RIMS2: variants seen among roughly 807,000 people sequenced by gnomAD.
RIMS2 encodes the protein regulating synaptic membrane exocytosis 2.
Under a neutral mutation model 174.4 loss-of-function variants are expected in RIMS2, and 59 were observed. The observed-to-expected ratio is 0.34, with a 90% CI of 0.27 to 0.42. The LOEUF is 0.42. Among genes scored for constraint, RIMS2 ranks in the 10% least tolerant of loss-of-function variants. RIMS2 has a pLI of 1.00. For synonymous variants in RIMS2, 606 were observed against 572.5 expected, an observed-to-expected ratio of 1.06 and a Z score of -0.84; for missense variants, 1,620 against 1,666.3, an observed-to-expected ratio of 0.97 and a Z score of 0.48.
intron 18 of RIMS2, 101 bp from the exon 21 acceptor site, chr8:104,014,405 T>G: frequency 1.7e-6 from 1 of 605,316 alleles, no homozygotes; most frequent in South Asian, 2.8e-5. Flanking sequence ...GCTAAACTTC[T>G]TTTTAAATTG....
intron 1 of RIMS2, among the ~76,000 whole-genome samples, chr8:103,624,321 G>GCTGC (rs2095721223): frequency 6.6e-6 from 1 of 152,182 alleles, no homozygotes; most frequent in Admixed American, 6.5e-5. Flanking sequence ...CCATTTGCTG[G>GCTGC]CTGCCTGCCT....
intron 1 of RIMS2, among the ~76,000 whole-genome samples, chr8:103,545,315 A>T (rs1057117426): frequency 6.6e-6 from 1 of 152,220 alleles, no homozygotes; most frequent in Non-Finnish European, 1.5e-5. Flanking sequence ...ACTTAGAAAG[A>T]AATTAAAAAC....
At chr8:104,201,970 T>C (rs960968006) in intron 19 of RIMS2, among the ~76,000 whole-genome samples, 3 of 152,222 alleles carry the variant, frequency 2.0e-5, no homozygotes, top group African/African-American at 7.2e-5. Flanking sequence ...AGTATGCCTG[T>C]TGGTAATAAT....
At chr8:104,214,601 C>T (rs180783585) in intron 19 of RIMS2, among the ~76,000 whole-genome samples, 74 of 152,238 alleles carry the variant, frequency 4.9e-4, no homozygotes, top group South Asian at 1.2e-3. Context: ...TTGCCCACCA[C>T]CACACCCAGC....
intron 19 of RIMS2, among the ~76,000 whole-genome samples, chr8:104,101,220 G>A (rs13438970): frequency 0.23 from 35,255 of 150,542 alleles, 4,427 homozygotes; most frequent in African/African-American, 0.33. Flanking sequence ...TCCGTCACCC[G>A]GGTTCAAACA....
chr8:103,591,427 T>G (rs1173619489), intron 1 of RIMS2, among the ~76,000 whole-genome samples: 1 of 151,208 alleles, frequency 6.6e-6, no homozygotes, highest in Non-Finnish European at 1.5e-5. Context: ...GAAATTGGAT[T>G]TATCACTTTT....
intron 19 of RIMS2, among the ~76,000 whole-genome samples, chr8:104,176,137 C>T (rs2135700258): frequency 6.6e-6 from 1 of 152,242 alleles, no homozygotes; most frequent in Middle Eastern, 3.4e-3. Context: ...GTAATTCTAA[C>T]TTGCTTATAC....
intron 3 of RIMS2, among the ~76,000 whole-genome samples, chr8:103,845,413 A>G (rs1183054200): frequency 6.6e-6 from 1 of 152,106 alleles, no homozygotes; most frequent in African/African-American, 2.4e-5. Flanking sequence ...TTTTAAAACA[A>G]TTGGAATGCT....
chr8:103,631,488 A>G (rs1269900886), intron 1 of RIMS2, among the ~76,000 whole-genome samples: 1 of 152,206 alleles, frequency 6.6e-6, no homozygotes, highest in Non-Finnish European at 1.5e-5. Flanking sequence ...TCATTGGTCT[A>G]TGTGCTAGTT....
chr8:103,617,267 T>C (rs1356284102), intron 1 of RIMS2, among the ~76,000 whole-genome samples: 1 of 152,116 alleles, frequency 6.6e-6, no homozygotes, highest in Non-Finnish European at 1.5e-5. Flanking sequence ...GGGAAAAGAA[T>C]CCCTATTCAA....
chr8:103,769,601 C>G (rs2098225745), intron 3 of RIMS2, among the ~76,000 whole-genome samples: 1 of 152,188 alleles, frequency 6.6e-6, no homozygotes, highest in Non-Finnish European at 1.5e-5. Flanking sequence ...GTTGGGATTA[C>G]AGGCGTGAGC....
At chr8:103,698,053 T>G (rs1202611899) in intron 2 of RIMS2, among the ~76,000 whole-genome samples, 1 of 152,242 alleles carries the variant, frequency 6.6e-6, no homozygotes, top group African/African-American at 2.4e-5. Context: ...CTTATTTATT[T>G]CAGTAGTTTT....
intron 1 of RIMS2, among the ~76,000 whole-genome samples, chr8:103,562,627 TG>T (rs2091768780): frequency 6.6e-6 from 1 of 152,120 alleles, no homozygotes; most frequent in Non-Finnish European, 1.5e-5. Flanking sequence ...AAGCTGTCAG[TG>T]GGTCTACTAT....
intron 15 of RIMS2, among the ~76,000 whole-genome samples, chr8:103,967,936 C>T (rs2092326202): frequency 6.7e-6 from 1 of 149,238 alleles, no homozygotes; most frequent in African/African-American, 2.5e-5. Context: ...TCTCAGCTCA[C>T]TGCAGACTCC....
chr8:104,190,739 C>G (rs2098993372), intron 19 of RIMS2, among the ~76,000 whole-genome samples: 1 of 152,062 alleles, frequency 6.6e-6, no homozygotes, highest in African/African-American at 2.4e-5. Context: ...AGCCTATGAG[C>G]ATATTGACCT....
intron 1 of RIMS2, among the ~76,000 whole-genome samples, 161 bp downstream of exon 1, chr8:103,501,223 G>C (rs1819616683): frequency 6.6e-6 from 1 of 152,036 alleles, no homozygotes; most frequent in African/African-American, 2.4e-5. Flanking sequence ...GGCTGTTTTA[G>C]GGGTGTCTGA....
At chr8:103,641,779 T>C (rs1339362524) in intron 1 of RIMS2, among the ~76,000 whole-genome samples, 1 of 152,106 alleles carries the variant, frequency 6.6e-6, no homozygotes, top group Admixed American at 6.6e-5. Context: ...GTGTCCTCTC[T>C]TTCCATGTGA....
In RIMS2 at chr8:103,754,216, A is replaced by G. The variant is rs1047832595; in HGVS notation, c.388-12011A>G. Among the ~76,000 whole-genome samples, 7 of 152,180 alleles carry G rather than the reference A, an allele frequency of 4.6e-5. No homozygotes were observed. The South Asian group carries it at 6.2e-4, about 14-fold the overall frequency. ...GTAGTCATTCAGGAGCAGGTTGTTC[A>G]GTTTCCATGTAGTTGAGCGGTTTTG... On this transcript the variant is annotated intron_variant, in intron 2 of 23. Coordinates refer to ENST00000504942, the Ensembl canonical transcript of RIMS2.
At chr8:104,024,054 G>C (rs1597314813) in intron 19 of RIMS2, among the ~76,000 whole-genome samples, 1 of 152,180 alleles carries the variant, frequency 6.6e-6, no homozygotes, top group African/African-American at 2.4e-5. Flanking sequence ...GGGATTCAAG[G>C]AAAGAGAGGA....
Sources: allele counts gnomAD v4.1 joint callset (sites outside exome capture counted in the v4.1 genomes callset), GRCh38; gene constraint gnomAD v4.1.1; transcripts MANE v1.5; gene names NCBI Gene and HGNC (gene_info 2026-07-23, HGNC 2026-07-21).